KLRG1: variants seen among roughly 807,000 people sequenced by gnomAD.
KLRG1 encodes killer cell lectin like receptor G1.
In KLRG1, 16 loss-of-function variants were observed where a neutral mutation model predicts 21.8. The observed-to-expected ratio is 0.73, with a 90% CI of 0.50 to 1.11. KLRG1 has a LOEUF of 1.11. Ranked by LOEUF, KLRG1 falls within the 50% of genes most tolerant of loss-of-function variation. The pLI is 0.00. For synonymous variants in KLRG1, 69 were observed against 75.9 expected (o/e 0.91, Z 0.47); for missense variants, 173 against 218.3 (o/e 0.79, Z 1.31).
chr12:8,967,430 T>C (rs751037620), intron 1 of KLRG1, among the ~76,000 whole-genome samples: 2 of 152,176 alleles, frequency 1.3e-5, no homozygotes, highest in South Asian at 2.1e-4. Flanking sequence ...CTCTAAAAAA[T>C]TAATAACCAG....
At chr12:9,019,996 T>C in the KLRG1 span, among the ~76,000 whole-genome samples, 4 of 152,194 alleles carry the variant, frequency 2.6e-5, no homozygotes, top group Admixed American at 2.6e-4. Context: ...TCCAAGCTAC[T>C]GTTGTTTTTC....
the KLRG1 span, chr12:9,166,002 G>A: frequency 6.4e-7 from 1 of 1,551,958 alleles, no homozygotes; most frequent in Non-Finnish European, 8.7e-7. Context: ...AATGTTGGAG[G>A]AACCACATTC....
intron 1 of KLRG1, among the ~76,000 whole-genome samples, chr12:8,956,240 A>C (rs1946290557): frequency 6.6e-6 from 1 of 152,098 alleles, no homozygotes; most frequent in African/African-American, 2.4e-5. Context: ...ACCCCACGTT[A>C]TGGGAAGTGG....
At chr12:9,156,330 C>A in the KLRG1 span, 3 of 207,192 alleles carry the variant, frequency 1.4e-5, no homozygotes, top group East Asian at 1.1e-4. Flanking sequence ...GTCCTACTGA[C>A]CATCTTCCCC....
the KLRG1 span, chr12:9,150,885 G>A: frequency 3.1e-6 from 2 of 635,414 alleles, no homozygotes; most frequent in Middle Eastern, 2.6e-4. Flanking sequence ...GTCAAGATGG[G>A]TTTTAGAATG....
At chr12:9,166,316 G>T in the KLRG1 span, 1 of 975,672 alleles carries the variant, frequency 1.0e-6, no homozygotes, top group Non-Finnish European at 1.5e-6. Context: ...TGTCCTAAAA[G>T]TCTTGTAGAA....
the KLRG1 span, among the ~76,000 whole-genome samples, chr12:9,177,642 G>A: frequency 6.6e-6 from 1 of 152,138 alleles, no homozygotes; most frequent in African/African-American, 2.4e-5. Flanking sequence ...AAATGAACAT[G>A]TATTATTTAT....
chr12:9,049,094 G>C, the KLRG1 span, among the ~76,000 whole-genome samples: 1 of 152,196 alleles, frequency 6.6e-6, no homozygotes, highest in Non-Finnish European at 1.5e-5. Flanking sequence ...CTTTTAGTCT[G>C]GACAGAGAAA....
In KLRG1 at chr12:8,960,714, A is replaced by G. The variant is rs79940032; in HGVS notation, c.-156+10478A>G. The stretch of plus-strand genomic sequence containing the variant: ...TAGTGAACAGCCTTAGAATACAGAA[A>G]TAGTGTCTCCTTCTGGGGCCAAGGG... On this transcript the variant is annotated intron_variant, in intron 1 of 4. Coordinates refer to the KLRG1 transcript ENST00000539240. Among the ~76,000 whole-genome samples, 376 of 152,346 alleles carry G rather than the reference A, an allele frequency of 2.5e-3. 2 individuals carry two copies. The highest frequency in any genetic ancestry group is 8.6e-3 in the African/African-American group (359 of 41,576).
At chr12:9,196,544 T>C in the KLRG1 span, 1 of 1,578,454 alleles carries the variant, frequency 6.3e-7, no homozygotes, top group South Asian at 1.1e-5. Context: ...TATTGTTTTA[T>C]TTCCCATATT....
the KLRG1 span, chr12:9,090,429 C>T: frequency 1.9e-6 from 3 of 1,613,906 alleles, no homozygotes; most frequent in African/African-American, 4.0e-5. Context: ...GCGCTTGTTC[C>T]TTCTCCACTG....
At chr12:9,202,759 T>C in the KLRG1 span, 1 of 1,393,202 alleles carries the variant, frequency 7.2e-7, no homozygotes, top group East Asian at 2.3e-5. Flanking sequence ...TCATTGCTAT[T>C]TCCTATCTCT....
At chr12:9,032,227 A>G in the KLRG1 span, among the ~76,000 whole-genome samples, 1 of 152,176 alleles carries the variant, frequency 6.6e-6, no homozygotes, top group Non-Finnish European at 1.5e-5. Context: ...AATTTTGGCT[A>G]AAATCTAAAG....
chr12:9,048,330 A>G, the KLRG1 span, among the ~76,000 whole-genome samples: 1 of 152,142 alleles, frequency 6.6e-6, no homozygotes, highest in South Asian at 2.1e-4. Flanking sequence ...ATAAAAATGA[A>G]AACAAGTAAC....
At chr12:8,959,281 A>G (rs1592235632) in intron 1 of KLRG1, among the ~76,000 whole-genome samples, 1 of 152,152 alleles carries the variant, frequency 6.6e-6, no homozygotes, top group East Asian at 1.9e-4. Flanking sequence ...AGCTTCTCCA[A>G]CTTCTCCTGT....
At chr12:8,953,930 GA>G (rs1484317045) in intron 1 of KLRG1, among the ~76,000 whole-genome samples, 1 of 152,162 alleles carries the variant, frequency 6.6e-6, no homozygotes, top group Admixed American at 6.5e-5. Context: ...TCTCTGAGGG[GA>G]GGGTGTGTTT....
the KLRG1 span, among the ~76,000 whole-genome samples, chr12:9,178,619 A>G: frequency 6.6e-6 from 1 of 152,202 alleles, no homozygotes; most frequent in Admixed American, 6.5e-5. Flanking sequence ...AAAGAAAATC[A>G]TGCTTGTTTT....
the KLRG1 span, among the ~76,000 whole-genome samples, chr12:9,137,242 C>T: frequency 6.6e-6 from 1 of 152,002 alleles, no homozygotes. Context: ...TATTGTTTTG[C>T]TTATGGATAT....
the KLRG1 span, among the ~76,000 whole-genome samples, chr12:9,114,023 G>A: frequency 1.3e-5 from 2 of 152,202 alleles, no homozygotes; most frequent in Admixed American, 6.5e-5. Context: ...GTAAGCACTC[G>A]CTTCCACTCC....
Sources: allele counts gnomAD v4.1 joint callset (sites outside exome capture counted in the v4.1 genomes callset), GRCh38; gene constraint gnomAD v4.1.1; transcripts MANE v1.5; gene names NCBI Gene and HGNC (gene_info 2026-07-23, HGNC 2026-07-21).